MYH10: variants seen among roughly 807,000 people sequenced by gnomAD.
MYH10 encodes myosin heavy chain 10.
Under a neutral mutation model 257.8 loss-of-function variants are expected in MYH10, and 55 were observed. The observed-to-expected ratio is 0.21, with a 90% CI of 0.17 to 0.27. The LOEUF (loss-of-function observed/expected upper bound fraction) is 0.27, where lower values mean the gene tolerates loss of function less well. Among genes scored for constraint, MYH10 ranks in the 10% least tolerant of loss-of-function variants. The pLI is 1.00. For synonymous variants in MYH10, 854 were observed against 921.7 expected (o/e 0.93, Z 1.33); for missense variants, 1,631 against 2,500.6 (o/e 0.65, Z 7.42).
In MYH10 at chr17:8,492,823, G is replaced by A. The variant is rs767545696; in HGVS notation, c.4411C>T (p.Arg1471Cys). 3.7e-6 allele frequency: 6 copies of A among 1,613,796 alleles called. No individual in the cohort carries two copies. The highest frequency in any genetic ancestry group is 1.3e-5 in the African/African-American group (1 of 74,902). ...TTCTCCAAGTTGGAGGCGACCTGGC[G>A]CTGGTGGTCCAGGTCCACCGTGAGG... The part of the protein sequence containing the change: ...DDLTVDLDHQ[R>C]QVASNLEKKQ... The change falls in exon 33 of 43, where the codon CGC (arginine) becomes TGC (cysteine). Residue 1471 changes from arginine to cysteine, a missense_variant. This residue lies in a region of MYH10 where 463 missense variants were observed against 621.8 expected (regional missense o/e 0.74). Transcript: ENST00000360416.
intron 37 of MYH10, among the ~76,000 whole-genome samples, chr17:8,482,358 A>ATGAGT (rs1913976160): frequency 6.6e-6 from 1 of 152,178 alleles, no homozygotes; most frequent in Admixed American, 6.5e-5. Context: ...CCTGCCTTAC[A>ATGAGT]TGAGTGTAGG....
At chr17:8,548,223 A>G in intron 11 of MYH10, 90 bp downstream of exon 11, 1 of 907,558 alleles carries the variant, frequency 1.1e-6, no homozygotes, top group South Asian at 1.6e-5. Context: ...GAAATGCTTC[A>G]GAGGTGCTTT....
chr17:8,603,419 TA>T (rs897195472), intron 3 of MYH10, among the ~76,000 whole-genome samples: 1 of 152,190 alleles, frequency 6.6e-6, no homozygotes, highest in African/African-American at 2.4e-5. Flanking sequence ...GTTTCCCTTT[TA>T]AAAAATTAGA....
intron 14 of MYH10, among the ~76,000 whole-genome samples, chr17:8,540,151 G>A (rs1191975276): frequency 1.3e-5 from 2 of 152,036 alleles, no homozygotes; most frequent in Non-Finnish European, 1.5e-5. Context: ...CACCACATCC[G>A]GCTAATTTTC....
chr17:8,558,125 A>G (rs2082869130), intron 7 of MYH10, among the ~76,000 whole-genome samples: 1 of 152,202 alleles, frequency 6.6e-6, no homozygotes, highest in African/African-American at 2.4e-5. Context: ...TATGGTGTGG[A>G]GAGAAAGTTT....
chr17:8,513,950 T>C (rs1272061537), intron 21 of MYH10, 56 bp from the exon 22 acceptor site: 7 of 1,451,006 alleles, frequency 4.8e-6, no homozygotes, highest in African/African-American at 4.2e-5. Flanking sequence ...TGAATGGCTG[T>C]TGTCATAAGA....
In MYH10 at chr17:8,535,313, A is replaced by T. The variant is rs2082111968; in HGVS notation, c.1894+74T>A. On this transcript the variant is annotated intron_variant, in intron 16 of 42. Coordinates refer to ENST00000360416, the MANE Select transcript of MYH10 (RefSeq NM_001256012.3). This position sits in a 1 kb window ranked among gnomAD's most constrained non-coding sequence, Gnocchi z 4.3. The stretch of plus-strand genomic sequence containing the variant: ...AAGTTATATGTATCCATATATATGT[A>T]AAAGAACCATCTATAAACCTTAATT... 8.8e-7 allele frequency: 1 copy of T among 1,140,858 alleles called. No individual in the cohort carries two copies. Among genetic ancestry groups the T allele is most frequent in the South Asian group, 1.5e-5 (1 of 66,938 alleles). 70.7% of individuals were successfully genotyped at this position (1,140,858 alleles called of 1,614,324 possible).
Position 8,477,475 on chromosome 17 carries a change from A to G in MYH10, c.5707-427T>C, listed in dbSNP as rs1395020689. Among the ~76,000 whole-genome samples, 1 of 152,076 alleles carries G rather than the reference A, an allele frequency of 6.6e-6. No homozygotes were observed. Among genetic ancestry groups the G allele is most frequent in the Non-Finnish European group, 1.5e-5 (1 of 68,022 alleles). ...CTCCTTTCAAGGATGGGCATCTCAG[A>G]TACTAGACTTGGATTCAAGCAGAAA... On this transcript the variant is annotated intron_variant, in intron 41 of 42. Coordinates refer to ENST00000360416, the MANE Select transcript of MYH10 (RefSeq NM_001256012.3). This position sits in a 1 kb window ranked among gnomAD's most constrained non-coding sequence, Gnocchi z 4.2.
At chr17:8,560,600 GA>G in intron 7 of MYH10, 6 of 901,506 alleles carry the variant, frequency 6.7e-6, no homozygotes, top group Non-Finnish European at 1.0e-5. Flanking sequence ...AGCACTGGAG[GA>G]AAAGGATTTG....
intron 6 of MYH10, among the ~76,000 whole-genome samples, chr17:8,574,328 C>T (rs867617766): frequency 1.7e-4 from 26 of 152,154 alleles, no homozygotes; most frequent in Non-Finnish European, 1.6e-4. Context: ...GTCTAGAATA[C>T]GCAAATACAT....
At chr17:8,488,935 A>T (rs933930876) in intron 35 of MYH10, among the ~76,000 whole-genome samples, 1 of 152,220 alleles carries the variant, frequency 6.6e-6, no homozygotes, top group African/African-American at 2.4e-5. Flanking sequence ...TCCCCACCTT[A>T]AAGAGTTGGA....
intron 2 of MYH10, among the ~76,000 whole-genome samples, chr17:8,610,058 A>G (rs745384616): frequency 6.6e-6 from 1 of 151,992 alleles, no homozygotes; most frequent in Admixed American, 6.6e-5. Flanking sequence ...GCCCATCACT[A>G]TTAAAATTTT....
At chr17:8,629,115 G>A (rs143815064) in intron 1 of MYH10, among the ~76,000 whole-genome samples, 100 of 152,088 alleles carry the variant, frequency 6.6e-4, no homozygotes, top group Admixed American at 1.1e-3. Context: ...AATTAATAAA[G>A]GCAGATTGAT....
At position 8,545,082 on chromosome 17, in the gene MYH10, G is replaced by C. The variant is rs1391206523; in HGVS notation, c.1431+366C>G. The stretch of plus-strand genomic sequence containing the variant: ...ATCCAGTCATACTGGCTTTCTAGCA[G>C]CTTAGAACATTTGTTAAGTTCTGTC... On this transcript the variant is annotated intron_variant, in intron 13 of 42. Coordinates refer to ENST00000360416, the MANE Select transcript of MYH10 (RefSeq NM_001256012.3). This position sits in a 1 kb window ranked among gnomAD's most constrained non-coding sequence, Gnocchi z 4.7. 6.6e-6 allele frequency among the ~76,000 whole-genome samples: 1 copy of C among 152,212 alleles called. No homozygotes were observed. Among genetic ancestry groups the C allele is most frequent in the African/African-American group, 2.4e-5 (1 of 41,456 alleles).
intron 3 of MYH10, among the ~76,000 whole-genome samples, chr17:8,592,970 T>TATATATATATATATATATAA (rs1567953268): frequency 3.3e-5 from 4 of 121,956 alleles, no homozygotes; most frequent in East Asian, 2.4e-4. Context: ...TATATATATA[T>TATATATATATATATATATAA]AAAAGATGAT....
rs113064101 is a variant in MYH10, at chr17:8,572,032, C to T, written c.664-2220G>A. On this transcript the variant is annotated intron_variant, in intron 6 of 42. Coordinates refer to ENST00000360416, the MANE Select transcript of MYH10 (RefSeq NM_001256012.3). ...ACATTACCTTAATACTAAATATCTA[C>T]TGCTAGACTTTGGATTCCTTAAAAT... 6.2e-3 allele frequency among the ~76,000 whole-genome samples: 943 copies of T among 152,014 alleles called. 5 individuals are homozygous for T. Among genetic ancestry groups the T allele is most frequent in the Non-Finnish European group, 0.011 (724 of 67,982 alleles).
chr17:8,622,480 T>C (rs2085504028), intron 2 of MYH10, among the ~76,000 whole-genome samples: 1 of 152,224 alleles, frequency 6.6e-6, no homozygotes, highest in Admixed American at 6.5e-5. Flanking sequence ...CTGTTCATGC[T>C]GTCCACAGAA....
intron 9 of MYH10, among the ~76,000 whole-genome samples, chr17:8,549,556 C>T (rs910367019): frequency 6.6e-6 from 1 of 152,240 alleles, no homozygotes; most frequent in African/African-American, 2.4e-5. Flanking sequence ...GTGACTGGCT[C>T]TCTTGCTCTC....
At chr17:8,556,223 A>C (rs1351632393) in intron 7 of MYH10, among the ~76,000 whole-genome samples, 12 of 152,376 alleles carry the variant, frequency 7.9e-5, no homozygotes, top group African/African-American at 2.4e-4. Flanking sequence ...TCACGGCGTC[A>C]AACACAGATT....
Sources: allele counts gnomAD v4.1 joint callset (sites outside exome capture counted in the v4.1 genomes callset), GRCh38; gene constraint gnomAD v4.1.1; regional missense constraint gnomAD v4.1.1; non-coding constraint Gnocchi (gnomAD v3.1); transcripts MANE v1.5; gene names NCBI Gene and HGNC (gene_info 2026-07-23, HGNC 2026-07-21).